Variants in XIRP2 observed in about 807,000 individuals in gnomAD.
XIRP2 encodes the protein xin actin-binding repeat-containing protein 2.
XIRP2 carries 236 observed loss-of-function variants against 277.0 expected under a neutral mutation model. The ratio of observed to expected loss-of-function variants is 0.85; its 90% confidence interval spans 0.77 to 0.95. The LOEUF is 0.95. Ranked by LOEUF, XIRP2 falls within the 40% of genes least tolerant of loss-of-function variation. The pLI is 0.00. For synonymous variants in XIRP2, 1,490 were observed against 1,416.5 expected (o/e 1.05, Z -1.17); for missense variants, 4,640 against 4,157.5 (o/e 1.12, Z -3.19).
At chr2:166,904,687 C>T (rs1263288850) in intron 2 of XIRP2, among the ~76,000 whole-genome samples, 1 of 152,066 alleles carries the variant, frequency 6.6e-6, no homozygotes, top group Non-Finnish European at 1.5e-5. Flanking sequence ...AGGGCCTGTA[C>T]ATAATAGAAA....
At chr2:166,934,293 G>A (rs1460277052) in intron 2 of XIRP2, among the ~76,000 whole-genome samples, 1 of 150,812 alleles carries the variant, frequency 6.6e-6, no homozygotes, top group Non-Finnish European at 1.5e-5. Flanking sequence ...AGAAGCCCAT[G>A]TAGCAAGGAA....
At chr2:167,161,276 T>A (rs891737823) in intron 3 of XIRP2, among the ~76,000 whole-genome samples, 6 of 152,198 alleles carry the variant, frequency 3.9e-5, no homozygotes, top group African/African-American at 7.2e-5. Context: ...GTGGCCTTCT[T>A]CTCACAACTC....
At chr2:167,076,535 G>A (rs1689577991) in intron 2 of XIRP2, among the ~76,000 whole-genome samples, 1 of 152,176 alleles carries the variant, frequency 6.6e-6, no homozygotes, top group African/African-American at 2.4e-5. Context: ...GCAAAGTGGA[G>A]AGGGAAGAGA....
intron 2 of XIRP2, among the ~76,000 whole-genome samples, chr2:167,102,304 C>G (rs566167556): frequency 6.6e-6 from 1 of 152,292 alleles, no homozygotes; most frequent in South Asian, 2.1e-4. Flanking sequence ...AAAGCCTGCA[C>G]AAGAAGTCCT....
Position 167,172,032 on chromosome 2 carries a change from G to C in XIRP2, c.562+35970G>C, listed in dbSNP as rs183205967. Among the ~76,000 whole-genome samples, 3 of 152,270 alleles carry C rather than the reference G, an allele frequency of 2.0e-5. No individual in the cohort carries two copies. In the East Asian group the frequency reaches 5.8e-4, roughly 29 times the overall value. The stretch of plus-strand genomic sequence containing the variant: ...AATCACATCATGGAAAATTATGTAT[G>C]ATCAGGGGAACCCGCCCCCGATAAT... On this transcript the variant is annotated intron_variant, in intron 3 of 10. Coordinates refer to ENST00000409195, the MANE Select transcript of XIRP2 (RefSeq NM_152381.6).
rs532513066 is a variant in XIRP2, at chr2:167,148,056, A to G, written c.562+11994A>G. 8.5e-5 allele frequency among the ~76,000 whole-genome samples: 13 copies of G among 152,198 alleles called. No individual in the cohort carries two copies. The East Asian group carries it at 2.5e-3, about 30-fold the overall frequency. ...GTGATAAATTTTTAAACTACTAGAC[A>G]AAAAATAGAAGCCCTGAACACTTCA... On this transcript the variant is annotated intron_variant, in intron 3 of 10. Coordinates refer to ENST00000409195, the MANE Select transcript of XIRP2 (RefSeq NM_152381.6).
intron 2 of XIRP2, among the ~76,000 whole-genome samples, chr2:167,046,939 A>G (rs919487): frequency 0.33 from 49,324 of 150,086 alleles, 9,558 homozygotes; most frequent in African/African-American, 0.53. Flanking sequence ...AAGTTGAAAG[A>G]AAAAAAAAAG....
At chr2:166,914,535 T>C (rs145751102) in intron 2 of XIRP2, among the ~76,000 whole-genome samples, 30 of 152,120 alleles carry the variant, frequency 2.0e-4, no homozygotes, top group Admixed American at 9.8e-4. Flanking sequence ...AGAGATGGGA[T>C]TTCACCATGT....
chr2:167,196,043 G>C (rs1268759548), intron 3 of XIRP2, among the ~76,000 whole-genome samples: 2 of 152,264 alleles, frequency 1.3e-5, no homozygotes, highest in Non-Finnish European at 2.9e-5. Flanking sequence ...AGGCTGCTGT[G>C]TGTGTGTGTA....
intron 3 of XIRP2, among the ~76,000 whole-genome samples, chr2:167,136,309 C>T (rs1691550989): frequency 1.3e-5 from 2 of 152,070 alleles, no homozygotes; most frequent in South Asian, 4.1e-4. Context: ...GTACAACAAG[C>T]ATTTTCAGTA....
At chr2:166,954,302 C>T (rs1286614655) in intron 2 of XIRP2, among the ~76,000 whole-genome samples, 1 of 151,842 alleles carries the variant, frequency 6.6e-6, no homozygotes, top group East Asian at 1.9e-4. Flanking sequence ...TAATTTAAAT[C>T]ATTAGAAATA....
intron 2 of XIRP2, among the ~76,000 whole-genome samples, chr2:166,940,318 T>G (rs936892799): frequency 1.3e-5 from 2 of 152,246 alleles, no homozygotes; most frequent in Non-Finnish European, 2.9e-5. Flanking sequence ...ATGACTTCTC[T>G]TCACTGGTTA....
At position 167,258,168 on chromosome 2, in the gene XIRP2, C is replaced by A; in HGVS notation, c.*351C>A. ...GGAAAATTAAAAGTCATTTGGCCTC[C>A]TTCCAAGGAGATCCCTAAGAAAACC... On this transcript the variant is annotated 3_prime_UTR_variant, in exon 11 of 11. Transcript: ENST00000409195. The A allele has an allele frequency of 1.2e-6, 2 of 1,613,012 alleles. No homozygotes were observed. The highest frequency in any genetic ancestry group is 1.7e-6 in the Non-Finnish European group (2 of 1,179,534).
chr2:167,101,230 T>G (rs1008206143), intron 2 of XIRP2, among the ~76,000 whole-genome samples: 4 of 152,222 alleles, frequency 2.6e-5, no homozygotes, highest in Non-Finnish European at 5.9e-5. Flanking sequence ...TTTGTAAGAT[T>G]TATTGTTAAA....
rs1354185652 is a variant in XIRP2 at position 167,116,713 on chromosome 2, T to C, written c.409-19196T>C. ...GTCTTTCATCTTGTATTAGTTAATGTAATGTTTAACTAAATTATGTAATTA... is the reference window on the plus strand; with the variant it reads ...GTCTTTCATCTTGTATTAGTTAATGCAATGTTTAACTAAATTATGTAATTA... On this transcript the variant is annotated intron_variant, in intron 2 of 10. Transcript: ENST00000409195. 7.2e-5 allele frequency among the ~76,000 whole-genome samples: 11 copies of C among 152,306 alleles called. No homozygotes were observed. In the East Asian group the frequency reaches 1.7e-3, roughly 24 times the overall value.
chr2:167,131,526 C>A (rs1443832192), intron 2 of XIRP2, among the ~76,000 whole-genome samples: 2 of 152,158 alleles, frequency 1.3e-5, no homozygotes, highest in African/African-American at 4.8e-5. Context: ...TCCAAGGAAG[C>A]AATTTTGCTC....
chr2:166,889,674 A>G (rs998086187), intron 1 of XIRP2: 1 of 152,554 alleles, frequency 6.6e-6, no homozygotes, highest in African/African-American at 2.4e-5. Context: ...TTTCTCCTTA[A>G]AAGCTCCTTT....
At chr2:167,145,113 A>T (rs1691827307) in intron 3 of XIRP2, among the ~76,000 whole-genome samples, 1 of 152,170 alleles carries the variant, frequency 6.6e-6, no homozygotes, top group Non-Finnish European at 1.5e-5. Flanking sequence ...TATAATTTTT[A>T]AAATAATTAT....
At position 167,210,897 on chromosome 2, in the gene XIRP2, T is replaced by C; in HGVS notation, c.723+2T>C. The C allele has an allele frequency of 1.2e-6, 2 of 1,613,938 alleles. No individual in the cohort carries two copies. The highest frequency in any genetic ancestry group is 1.1e-5 in the South Asian group (1 of 91,074). On this transcript the variant is annotated splice_donor_variant, in intron 4 of 10. Coordinates refer to ENST00000409195, the MANE Select transcript of XIRP2 (RefSeq NM_152381.6). LOFTEE classifies it high-confidence loss of function. Reference sequence around the variant, plus strand: ...GACTGCCGCAGCTTCTCTGCTAATGTAAGCTGCTCCTAATGGTTTTGCACT... The same window carrying C: ...GACTGCCGCAGCTTCTCTGCTAATGCAAGCTGCTCCTAATGGTTTTGCACT...
Sources: gnomAD v4.1 joint callset for allele counts (sites outside exome capture counted in the v4.1 genomes callset) on GRCh38, gnomAD v4.1.1 for gene constraint, MANE v1.5 for transcripts, NCBI Gene and HGNC (gene_info 2026-07-23, HGNC 2026-07-21) for gene names.